UGT1A8: variants seen among roughly 807,000 people sequenced by gnomAD.
UGT1A8 encodes the protein UDP glucuronosyltransferase family 1 member A8.
In UGT1A8, 39 loss-of-function variants were observed where a neutral mutation model predicts 45.3. The observed-to-expected ratio is 0.86, with a 90% confidence interval of 0.67 to 1.12. The LOEUF (loss-of-function observed/expected upper bound fraction) is 1.12, where lower values mean the gene tolerates loss of function less well. Ranked by LOEUF, UGT1A8 falls within the 50% of genes most tolerant of loss-of-function variation. UGT1A8 has a pLI of 0.00. For missense variants in UGT1A8, 719 were observed against 664.9 expected (o/e 1.08, Z -0.90); for synonymous variants, 275 against 249.2 (o/e 1.10, Z -0.97).
At chr2:233,713,488 C>G (rs758374226) in intron 1 of UGT1A8, 1 of 1,613,948 alleles carries the variant, frequency 6.2e-7, no homozygotes, top group South Asian at 1.1e-5. Context: ...AAGTACCTGT[C>G]GATTCCTGCT....
intron 1 of UGT1A8, chr2:233,743,940 C>T: frequency 7.4e-7 from 1 of 1,353,480 alleles, no homozygotes; most frequent in Non-Finnish European, 9.9e-7. Context: ...AACGGCCCAC[C>T]AGGCACTGGC....
chr2:233,678,330 G>A (rs1183988042), intron 1 of UGT1A8, among the ~76,000 whole-genome samples: 3 of 152,128 alleles, frequency 2.0e-5, no homozygotes, highest in African/African-American at 7.2e-5. Flanking sequence ...TGTATAAGAG[G>A]AAGTCATTCA....
intron 1 of UGT1A8, among the ~76,000 whole-genome samples, chr2:233,720,265 G>T (rs928123485): frequency 1.2e-4 from 19 of 152,154 alleles, no homozygotes; most frequent in Admixed American, 1.0e-3. Flanking sequence ...AGAGGGATCT[G>T]TCCTGAGAAA....
intron 1 of UGT1A8, among the ~76,000 whole-genome samples, chr2:233,724,753 G>A (rs1402032405): frequency 3.5e-5 from 5 of 143,708 alleles, no homozygotes; most frequent in African/African-American, 1.1e-4. Context: ...CATCCCAGAC[G>A]ATGGGCGGCC....
chr2:233,766,832 C>T (rs1042829925), intron 1 of UGT1A8, among the ~76,000 whole-genome samples: 12 of 152,168 alleles, frequency 7.9e-5, no homozygotes, highest in African/African-American at 2.9e-4. Context: ...ATTCTGTAAG[C>T]AGGAACCCTT....
chr2:233,741,097 A>C (rs1691564364), intron 1 of UGT1A8, among the ~76,000 whole-genome samples: 1 of 151,840 alleles, frequency 6.6e-6, no homozygotes, highest in South Asian at 2.1e-4. Flanking sequence ...ACAAGCAAAC[A>C]GACAATCAAG....
At chr2:233,749,503 T>C (rs1362784067) in intron 1 of UGT1A8, among the ~76,000 whole-genome samples, 2 of 151,872 alleles carry the variant, frequency 1.3e-5, no homozygotes, top group African/African-American at 2.4e-5. Flanking sequence ...CTTAGAGAAT[T>C]AGAGAACACT....
chr2:233,771,891 A>G (rs1700404574), intron 4 of UGT1A8, among the ~76,000 whole-genome samples: 1 of 145,462 alleles, frequency 6.9e-6, no homozygotes, highest in Admixed American at 7.2e-5. Context: ...TTTCTTAATT[A>G]TAACCTTTCA....
intron 1 of UGT1A8, among the ~76,000 whole-genome samples, chr2:233,750,222 G>A (rs1326774834): frequency 6.6e-6 from 1 of 151,918 alleles, no homozygotes; most frequent in Non-Finnish European, 1.5e-5. Flanking sequence ...AGATGGAGAT[G>A]AGGAACTTAT....
At chr2:233,734,058 T>C (rs887358519) in intron 1 of UGT1A8, among the ~76,000 whole-genome samples, 3 of 152,142 alleles carry the variant, frequency 2.0e-5, no homozygotes, top group Non-Finnish European at 4.4e-5. Context: ...TATACATATG[T>C]AACAAACCTG....
intron 1 of UGT1A8, among the ~76,000 whole-genome samples, chr2:233,659,904 A>G (rs1212812471): frequency 6.6e-6 from 1 of 152,118 alleles, no homozygotes; most frequent in Non-Finnish European, 1.5e-5. Context: ...CTTCTTCCTC[A>G]TTGTCTGGTA....
chr2:233,640,425 G>A (rs2073420507), intron 1 of UGT1A8, among the ~76,000 whole-genome samples: 1 of 151,748 alleles, frequency 6.6e-6, no homozygotes, highest in African/African-American at 2.4e-5. Flanking sequence ...TTGTTACACG[G>A]CCACAATATC....
intron 1 of UGT1A8, chr2:233,752,526 A>C (rs1482911253): frequency 2.0e-5 from 3 of 152,234 alleles, no homozygotes; most frequent in Non-Finnish European, 4.4e-5. Context: ...AATTCTAAAA[A>C]TTCTTTAAAT....
At chr2:233,691,415 C>T in intron 1 of UGT1A8, 1 of 985,558 alleles carries the variant, frequency 1.0e-6, no homozygotes, top group Non-Finnish European at 1.2e-6. Context: ...TGGAGTGGCC[C>T]CTCTAATCAT....
chr2:233,644,141 A>G (rs1187693039), intron 1 of UGT1A8, among the ~76,000 whole-genome samples: 3 of 152,062 alleles, frequency 2.0e-5, no homozygotes, highest in East Asian at 1.9e-4. Flanking sequence ...AAGAGTTGCA[A>G]TCTTTATGGA....
intron 1 of UGT1A8, among the ~76,000 whole-genome samples, chr2:233,699,348 C>T (rs763342430): frequency 6.6e-6 from 1 of 152,170 alleles, no homozygotes; most frequent in Non-Finnish European, 1.5e-5. Flanking sequence ...CTAGGGCTAA[C>T]CTCTTTTCTT....
chr2:233,713,954 C>T (rs1224716390), intron 1 of UGT1A8: 55 of 1,607,802 alleles, frequency 3.4e-5, no homozygotes, highest in Non-Finnish European at 4.7e-5. Context: ...ACTTATCTTT[C>T]CAAAGATTTC....
chr2:233,668,608 C>T (rs939901835), intron 1 of UGT1A8, among the ~76,000 whole-genome samples: 2 of 152,192 alleles, frequency 1.3e-5, no homozygotes, highest in African/African-American at 4.8e-5. Context: ...ATTTCTAGTT[C>T]TAGATCCTTG....
chr2:233,654,220 A>G (rs974911581), intron 1 of UGT1A8, among the ~76,000 whole-genome samples: 3 of 152,240 alleles, frequency 2.0e-5, no homozygotes, highest in Admixed American at 2.0e-4. Context: ...AAACCTCCAA[A>G]TTAACCTATT....
Sources: gnomAD v4.1 joint callset for allele counts (sites outside exome capture counted in the v4.1 genomes callset) on GRCh38, gnomAD v4.1.1 for gene constraint, MANE v1.5 for transcripts, NCBI Gene and HGNC (gene_info 2026-07-23, HGNC 2026-07-21) for gene names.